The following PTPRD variants were observed in gnomAD, a reference collection of about 807,000 sequenced individuals.
The protein encoded by PTPRD is protein tyrosine phosphatase receptor type D, also known as receptor-type tyrosine-protein phosphatase delta.
In PTPRD, 34 loss-of-function variants were observed where a neutral mutation model predicts 214.5. That is an observed-to-expected ratio of 0.16 (90% CI 0.12 to 0.21). The LOEUF is 0.21. Among genes scored for constraint, PTPRD ranks in the 10% least tolerant of loss-of-function variants. The probability of loss-of-function intolerance (pLI) is 1.00; values close to 1 mark genes in which losing one functional copy is unlikely to be tolerated. For missense variants in PTPRD, 2,545 were observed against 2,398.7 expected (o/e 1.06, Z -1.27); for synonymous variants, 1,128 against 845.7 (o/e 1.33, Z -5.79).
intron 13 of PTPRD, among the ~76,000 whole-genome samples, chr9:8,635,195 C>T (rs2096392114): frequency 1.3e-5 from 2 of 150,766 alleles, no homozygotes; most frequent in Non-Finnish European, 3.0e-5. Context: ...GTTTATATGA[C>T]TCTCATGGGG....
At chr9:8,850,014 T>C (rs1242634641) in intron 11 of PTPRD, among the ~76,000 whole-genome samples, 3 of 151,960 alleles carry the variant, frequency 2.0e-5, no homozygotes, top group Non-Finnish European at 4.4e-5. Flanking sequence ...ATCTACAAAA[T>C]TGCCTGAGGA....
intron 7 of PTPRD, among the ~76,000 whole-genome samples, chr9:9,617,882 C>A (rs1190456766): frequency 1.1e-4 from 17 of 151,390 alleles, no homozygotes. Flanking sequence ...ACCATTCTGG[C>A]TAACATGGTG....
intron 4 of PTPRD, among the ~76,000 whole-genome samples, chr9:10,000,462 G>C (rs1307366481): frequency 6.6e-6 from 1 of 152,066 alleles, no homozygotes; most frequent in African/African-American, 2.4e-5. Flanking sequence ...TCCACCTCAG[G>C]AGAAGACCCA....
intron 11 of PTPRD, among the ~76,000 whole-genome samples, chr9:8,919,395 A>AAG (rs1441177989): frequency 6.6e-6 from 1 of 151,408 alleles, no homozygotes; most frequent in South Asian, 2.1e-4. Flanking sequence ...CTGTCTCAAA[A>AAG]AAAAAAAAAA....
chr9:9,952,988 G>C (rs1468847173), intron 4 of PTPRD, among the ~76,000 whole-genome samples: 2 of 152,080 alleles, frequency 1.3e-5, no homozygotes, highest in Admixed American at 1.3e-4. Flanking sequence ...GGAACATTGT[G>C]GAAGCCAGAA....
At chr9:9,164,435 C>T (rs2099897449) in intron 10 of PTPRD, among the ~76,000 whole-genome samples, 1 of 152,138 alleles carries the variant, frequency 6.6e-6, no homozygotes, top group South Asian at 2.1e-4. Context: ...AGGTACTCTT[C>T]TGATCACGAT....
chr9:8,727,186 T>C (rs1217017867), intron 12 of PTPRD, among the ~76,000 whole-genome samples: 1 of 152,148 alleles, frequency 6.6e-6, no homozygotes, highest in Non-Finnish European at 1.5e-5. Context: ...TATTCCCAAA[T>C]AGAGATAACA....
intron 9 of PTPRD, among the ~76,000 whole-genome samples, chr9:9,187,577 C>T (rs1356576704): frequency 6.6e-6 from 1 of 151,732 alleles, no homozygotes; most frequent in Non-Finnish European, 1.5e-5. Context: ...GTCTTTCCTC[C>T]CTCCCTCCCT....
chr9:9,498,767 A>T (rs1251114050), intron 8 of PTPRD, among the ~76,000 whole-genome samples: 2 of 152,148 alleles, frequency 1.3e-5, no homozygotes, highest in African/African-American at 4.8e-5. Flanking sequence ...GCACACTAAA[A>T]TCTAGTGAAT....
chr9:8,829,207 C>G (rs560440177), intron 11 of PTPRD, among the ~76,000 whole-genome samples: 3 of 152,150 alleles, frequency 2.0e-5, no homozygotes, highest in Non-Finnish European at 2.9e-5. Flanking sequence ...AACCCACATC[C>G]TTATCAAGAT....
chr9:9,780,128 G>A (rs577466722), intron 5 of PTPRD, among the ~76,000 whole-genome samples: 15 of 152,266 alleles, frequency 9.9e-5, no homozygotes, highest in South Asian at 6.2e-4. Flanking sequence ...GATGGAGCTG[G>A]AGACCATAAT....
chr9:9,635,383 C>T (rs970067649), intron 7 of PTPRD, among the ~76,000 whole-genome samples: 1 of 152,116 alleles, frequency 6.6e-6, no homozygotes, highest in Non-Finnish European at 1.5e-5. Flanking sequence ...ATATTCCTCT[C>T]GCACCAAGTG....
chr9:9,333,504 T>TTA (rs3048057), intron 9 of PTPRD, among the ~76,000 whole-genome samples: 2,438 of 137,200 alleles, frequency 0.018, 56 homozygotes, highest in Admixed American at 0.04. Flanking sequence ...ATATAGTATA[T>TTA]TATATATATA....
At chr9:8,703,269 G>C (rs999496678) in intron 12 of PTPRD, among the ~76,000 whole-genome samples, 1 of 152,142 alleles carries the variant, frequency 6.6e-6, no homozygotes, top group Non-Finnish European at 1.5e-5. Flanking sequence ...AGTTTAAAGT[G>C]CTCTTTTTTT....
chr9:9,352,349 GTGTGTA>G (rs2051664112), intron 9 of PTPRD, among the ~76,000 whole-genome samples: 1 of 143,620 alleles, frequency 7.0e-6, no homozygotes, highest in African/African-American at 2.5e-5. Flanking sequence ...GTGTGTGTGT[GTGTGTA>G]TATATGTGTG....
intron 8 of PTPRD, among the ~76,000 whole-genome samples, chr9:9,538,716 C>G (rs953941063): frequency 4.6e-5 from 7 of 151,898 alleles, no homozygotes; most frequent in Non-Finnish European, 1.0e-4. Context: ...GATACATATA[C>G]GTCAATGAAT....
At chr9:9,530,439 A>G (rs2154263484) in intron 8 of PTPRD, among the ~76,000 whole-genome samples, 1 of 152,330 alleles carries the variant, frequency 6.6e-6, no homozygotes, top group Middle Eastern at 3.4e-3. Context: ...TTGAATCAGG[A>G]AGAAATAGAA....
intron 10 of PTPRD, among the ~76,000 whole-genome samples, chr9:9,065,255 G>C (rs1422420806): frequency 6.6e-6 from 1 of 152,116 alleles, no homozygotes; most frequent in African/African-American, 2.4e-5. Context: ...TTGGACTTGG[G>C]GGATTATGTT....
chr9:10,561,177 T>C (rs2131527067), intron 2 of PTPRD, among the ~76,000 whole-genome samples: 1 of 152,280 alleles, frequency 6.6e-6, no homozygotes, highest in African/African-American at 2.4e-5. Flanking sequence ...GAAATCCATG[T>C]CTTCTGTTTT....
Sources: allele counts gnomAD v4.1 joint callset (sites outside exome capture counted in the v4.1 genomes callset), GRCh38; gene constraint gnomAD v4.1.1; transcripts MANE v1.5; gene names NCBI Gene and HGNC (gene_info 2026-07-23, HGNC 2026-07-21).